KLHL22: variants seen among roughly 807,000 people sequenced by gnomAD.
KLHL22 encodes kelch like family member 22.
Under a neutral mutation model 60.7 loss-of-function variants are expected in KLHL22, and 18 were observed. The ratio of observed to expected loss-of-function variants is 0.30; its 90% CI spans 0.20 to 0.44. KLHL22 has a LOEUF of 0.44. Among genes scored for constraint, KLHL22 ranks in the 20% least tolerant of loss-of-function variants. The probability of loss-of-function intolerance (pLI) is 1.00; values close to 1 mark genes in which losing one functional copy is unlikely to be tolerated. For missense variants in KLHL22, 596 were observed against 852.3 expected (o/e 0.70, Z 3.74); for synonymous variants, 355 against 354.5 (o/e 1.00, Z -0.01).
At chr22:20,469,784 T>TC (rs1217222613) in intron 3 of KLHL22, among the ~76,000 whole-genome samples, 3 of 150,932 alleles carry the variant, frequency 2.0e-5, no homozygotes, top group African/African-American at 7.3e-5. Context: ...AGTTGTTTTT[T>TC]TTTAATTGCG....
At chr22:20,483,328 G>T in intron 2 of KLHL22, 1 of 727,588 alleles carries the variant, frequency 1.4e-6, no homozygotes, top group Non-Finnish European at 2.5e-6. Context: ...TTTCTTCCGA[G>T]CCAGCTCATC....
chr22:20,458,273 CTTTTTTTTTTT>C (rs35379911), intron 4 of KLHL22, among the ~76,000 whole-genome samples: 1 of 76,514 alleles, frequency 1.3e-5, no homozygotes, highest in Admixed American at 1.7e-4. Flanking sequence ...TCCAATGGCT[CTTTTTTTTTTT>C]TTTTTTTTTT....
chr22:20,489,304 C>T, intron 1 of KLHL22, 60 bp from the exon 2 acceptor site: 1 of 1,229,310 alleles, frequency 8.1e-7, no homozygotes, highest in East Asian at 2.5e-5. Flanking sequence ...CCACCACACA[C>T]AGACTGGCCA....
chr22:20,477,326 G>A (rs1189779850), intron 2 of KLHL22, among the ~76,000 whole-genome samples: 1 of 152,014 alleles, frequency 6.6e-6, no homozygotes, highest in African/African-American at 2.4e-5. Context: ...GGGAGGCGGA[G>A]GTTGCAGTGA....
chr22:20,463,238 T>C (rs1001831688), intron 4 of KLHL22, among the ~76,000 whole-genome samples: 10 of 152,224 alleles, frequency 6.6e-5, no homozygotes, highest in Non-Finnish European at 1.3e-4. Context: ...CTTGCCATTG[T>C]GATCCTACTC....
chr22:20,450,944 G>C, intron 5 of KLHL22: 1 of 1,609,948 alleles, frequency 6.2e-7, no homozygotes, highest in Middle Eastern at 1.8e-4. Flanking sequence ...ACAAGGGCTC[G>C]CCTAGGAGCC....
intron 1 of KLHL22, chr22:20,491,257 T>C (rs1310889611): frequency 1.3e-5 from 2 of 152,192 alleles, no homozygotes; most frequent in African/African-American, 4.8e-5. Flanking sequence ...CCAAACCCAG[T>C]CATTCAGAAT....
intron 2 of KLHL22, chr22:20,483,420 G>A: frequency 1.2e-6 from 1 of 834,462 alleles, no homozygotes; most frequent in Non-Finnish European, 2.1e-6. Context: ...ACCCAGAGCT[G>A]GCAATCTGGT....
chr22:20,453,248 G>T (rs1163982244), intron 5 of KLHL22, among the ~76,000 whole-genome samples: 1 of 151,044 alleles, frequency 6.6e-6, no homozygotes, highest in African/African-American at 2.4e-5. Context: ...AAAAAAAAAA[G>T]ATTTTCTTCT....
At chr22:20,470,693 T>A (rs1347312071) in intron 3 of KLHL22, among the ~76,000 whole-genome samples, 1 of 149,770 alleles carries the variant, frequency 6.7e-6, no homozygotes, top group Non-Finnish European at 1.5e-5. Flanking sequence ...GATGGATGGA[T>A]GGATGGATGG....
chr22:20,452,401 G>C (rs1447676340), intron 5 of KLHL22, among the ~76,000 whole-genome samples: 2 of 152,156 alleles, frequency 1.3e-5, no homozygotes, highest in African/African-American at 4.8e-5. Flanking sequence ...CACTTCTTTT[G>C]GAGGTCAGGG....
chr22:20,453,125 A>C (rs895867783), intron 5 of KLHL22, among the ~76,000 whole-genome samples: 2 of 152,130 alleles, frequency 1.3e-5, no homozygotes, highest in African/African-American at 4.8e-5. Context: ...TAACCTAAAC[A>C]ACCTTTGCTC....
Position 20,471,644 on chromosome 22 carries a change from CTG to C in KLHL22, c.228-131_228-130del, listed in dbSNP as rs1416448096. The C allele has an allele frequency of 1.2e-5, 11 of 908,380 alleles. No individual in the cohort carries two copies. The African/African-American group carries it at 1.3e-4, about 11-fold the overall frequency. 56.3% of individuals were successfully genotyped at this position (908,380 alleles called of 1,614,324 possible). ...GGCCCTGGTAGTGGGCTGACCCACT[CTG>C]TGCTCTGAGTGAACTGTGTGCATGC... On this transcript the variant is annotated intron_variant, in intron 2 of 6. Transcript: ENST00000328879.
intron 2 of KLHL22, chr22:20,483,099 G>C: frequency 1.5e-6 from 1 of 650,118 alleles, no homozygotes; most frequent in Non-Finnish European, 2.8e-6. Context: ...CCATTGAGCT[G>C]CTCCATCTAC....
At position 20,464,914 on chromosome 22, in the gene KLHL22, G is replaced by A; in HGVS notation, c.1056C>T (p.Tyr352=). ...QGIAVLNNFV[Y]LIGGDNNVQG... ...GGACATTGTTGTCCCCTCCAATCAA[G>A]TATACGAAGTTGTTGAGCACCGCGA... Residue 352 remains tyrosine, a synonymous_variant, in exon 4 of 7, where the codon TAC becomes TAT. Transcript: ENST00000328879. The A allele has an allele frequency of 6.4e-7, 1 of 1,571,554 alleles. No individual in the cohort carries two copies. The highest frequency in any genetic ancestry group is 1.2e-5 in the South Asian group (1 of 83,038).
intron 6 of KLHL22, among the ~76,000 whole-genome samples, chr22:20,443,730 T>C (rs2052806565): frequency 6.7e-6 from 1 of 148,458 alleles, no homozygotes; most frequent in South Asian, 2.1e-4. Context: ...AGCGAGACTC[T>C]GTCTCAAACA....
At chr22:20,468,797 C>G (rs1215062758) in intron 3 of KLHL22, among the ~76,000 whole-genome samples, 1 of 152,082 alleles carries the variant, frequency 6.6e-6, no homozygotes, top group African/African-American at 2.4e-5. Context: ...GTAGCTGGAA[C>G]TACAGGTGCA....
At position 20,441,658 on chromosome 22, in the gene KLHL22, C is replaced by T. The variant is rs573433663; in HGVS notation, c.*415G>A. ...TCTCTGCTCCTCTGCCCCTCAGGAGCTCTCATCCTCCAACCCCAGCTGCCC... is the reference window on the plus strand; with the variant it reads ...TCTCTGCTCCTCTGCCCCTCAGGAGTTCTCATCCTCCAACCCCAGCTGCCC... On this transcript the variant is annotated 3_prime_UTR_variant, in exon 7 of 7. Transcript: ENST00000328879. 172 of 194,244 alleles carry T rather than the reference C, an allele frequency of 8.9e-4. 3 individuals carry two copies. Among genetic ancestry groups the T allele is most frequent in the Non-Finnish European group, 9.3e-5 (8 of 85,846 alleles). The allele number at this position is 194,244 out of a possible 1,614,324, so 12.0% of individuals were successfully genotyped here.
Position 20,446,658 on chromosome 22 carries a change from C to T in KLHL22, c.1324G>A (p.Ala442Thr), listed in dbSNP as rs756319475. 9.9e-6 allele frequency: 16 copies of T among 1,610,872 alleles called. No individual in the cohort carries two copies. The highest frequency in any genetic ancestry group is 1.6e-4 in the Middle Eastern group (1 of 6,082). The change falls in exon 6 of 7, where the codon GCG becomes ACG. Residue 442 changes from alanine to threonine, a missense_variant. Ala to Thr is a moderately conservative substitution (Grantham distance 58). Coordinates refer to ENST00000328879, the MANE Select transcript of KLHL22 (RefSeq NM_032775.4). ...ATATACATCTTCCCCTCCAGCGTCGCGCCTGCGTGGGCATACACCTGTGTG... is the reference window on the plus strand; with the variant it reads ...ATATACATCTTCCCCTCCAGCGTCGTGCCTGCGTGGGCATACACCTGTGTG... ...LKREVYAHAG[A>T]TLEGKMYITC... is the part of the protein sequence containing the mutation.
Sources: allele counts gnomAD v4.1 joint callset (sites outside exome capture counted in the v4.1 genomes callset), GRCh38; gene constraint gnomAD v4.1.1; transcripts MANE v1.5; gene names NCBI Gene and HGNC (gene_info 2026-07-23, HGNC 2026-07-21).